The following TIPIN variants were observed in gnomAD, a reference collection of about 807,000 sequenced individuals.
TIPIN encodes the protein TIMELESS-interacting protein.
TIPIN carries 29 observed loss-of-function variants against 35.6 expected under a neutral mutation model. The observed-to-expected ratio is 0.82, with a 90% CI of 0.61 to 1.11. The LOEUF is 1.11. Among genes scored for constraint, TIPIN ranks in the 50% most tolerant of loss-of-function variants. The probability of loss-of-function intolerance (pLI) is 0.00; values close to 1 mark genes in which losing one functional copy is unlikely to be tolerated. For synonymous variants in TIPIN, 102 were observed against 121.5 expected, an observed-to-expected ratio of 0.84 and a Z score of 1.06; for missense variants, 296 against 345.4, an observed-to-expected ratio of 0.86 and a Z score of 1.13.
rs1225521444 is a variant in TIPIN, at chr15:66,336,267, AC to A, written c.*690del. 6.6e-6 allele frequency: 1 copy of A among 152,294 alleles called. No individual in the cohort carries two copies. Among genetic ancestry groups the A allele is most frequent in the African/African-American group, 2.4e-5 (1 of 41,454 alleles). 9.4% of individuals were successfully genotyped at this position (152,294 alleles called of 1,614,324 possible). On this transcript the variant is annotated 3_prime_UTR_variant, in exon 8 of 8. Transcript: ENST00000261881. The stretch of plus-strand genomic sequence containing the variant: ...GTATATATGTACATCTCAAAACTTC[AC>A]CCAGGCTGGGCGCGGTGGCTCACAC...
intron 1 of TIPIN, among the ~76,000 whole-genome samples, chr15:66,363,854 C>A (rs1242638853): frequency 1.2e-5 from 1 of 84,264 alleles, no homozygotes; most frequent in African/African-American, 4.5e-5. Context: ...TGGTGGCAGG[C>A]GCCTGTAGTC....
intron 1 of TIPIN, among the ~76,000 whole-genome samples, chr15:66,365,443 T>C (rs1201918278): frequency 6.6e-6 from 1 of 152,214 alleles, no homozygotes; most frequent in East Asian, 1.9e-4. Flanking sequence ...TGCCTGCCCC[T>C]TTCCCAGGAA....
chr15:66,360,138 C>T (rs947685049), upstream of TIPIN, among the ~76,000 whole-genome samples: 4 of 152,076 alleles, frequency 2.6e-5, no homozygotes, highest in Non-Finnish European at 5.9e-5. Context: ...ACTGTAGTAT[C>T]GCAGGTACTT....
chr15:66,346,515 C>A (rs1009143223), intron 6 of TIPIN, among the ~76,000 whole-genome samples: 1 of 152,104 alleles, frequency 6.6e-6, no homozygotes, highest in Non-Finnish European at 1.5e-5. Flanking sequence ...TCCCACCCTG[C>A]GACCTACTCA....
chr15:66,348,529 A>AT (rs2093143672), intron 6 of TIPIN, among the ~76,000 whole-genome samples: 1 of 150,794 alleles, frequency 6.6e-6, no homozygotes, highest in Admixed American at 6.6e-5. Context: ...AAAAAAAAAA[A>AT]ATACAAAAAT....
At chr15:66,379,126 C>CT in intron 1 of TIPIN, 1 of 572,580 alleles carries the variant, frequency 1.7e-6, no homozygotes, top group East Asian at 3.7e-5. Flanking sequence ...TGGCGTTAAG[C>CT]AATTGTCCCG....
At chr15:66,355,713 T>C (rs62011722) in intron 1 of TIPIN, among the ~76,000 whole-genome samples, 39,083 of 152,028 alleles carry the variant, frequency 0.26, 5,648 homozygotes, top group South Asian at 0.33. Context: ...ACCGCGCCAC[T>C]GCACTCCAGC....
At chr15:66,358,561 G>A (rs570783745), upstream of TIPIN, among the ~76,000 whole-genome samples, 9 of 151,680 alleles carry the variant, frequency 5.9e-5, no homozygotes, top group South Asian at 1.0e-3. Flanking sequence ...CTACAGGCTC[G>A]CACCACCACA....
chr15:66,339,874 A>T (rs866894381), intron 7 of TIPIN, among the ~76,000 whole-genome samples: 7 of 146,652 alleles, frequency 4.8e-5, no homozygotes, highest in African/African-American at 7.5e-5. Flanking sequence ...AAGAAAAAGC[A>T]TTTTTTTTTT....
At chr15:66,378,532 C>T (rs1279557807) in intron 1 of TIPIN, among the ~76,000 whole-genome samples, 1 of 152,100 alleles carries the variant, frequency 6.6e-6, no homozygotes, top group East Asian at 1.9e-4. Context: ...ACTTATATCT[C>T]TGTACAAGGT....
chr15:66,364,415 C>T lies in TIPIN; in HGVS notation c.-8-11460G>A, dbSNP rs1023539066. On this transcript the variant is annotated intron_variant, in intron 1 of 7. Transcript: ENST00000562124. Reference sequence around the variant, plus strand: ...TCCTGACCTCGTGATCTGCCCGCCTCGGCTTCCCAGTGTTCTGGCATTACA... The same window carrying T: ...TCCTGACCTCGTGATCTGCCCGCCTTGGCTTCCCAGTGTTCTGGCATTACA... Among the ~76,000 whole-genome samples, 3 of 151,912 alleles carry T rather than the reference C, an allele frequency of 2.0e-5. No individual in the cohort carries two copies. The East Asian group carries it at 5.8e-4, about 30-fold the overall frequency.
At chr15:66,371,369 T>C in intron 1 of TIPIN, 1 of 985,256 alleles carries the variant, frequency 1.0e-6, no homozygotes, top group Non-Finnish European at 1.2e-6. Context: ...GTAAGTGTTT[T>C]AATGTGAGAA....
chr15:66,374,508 C>T (rs556858366), intron 1 of TIPIN, among the ~76,000 whole-genome samples: 3 of 152,180 alleles, frequency 2.0e-5, no homozygotes, highest in Admixed American at 1.3e-4. Context: ...TTCCCAGGTT[C>T]AAGTGATTCT....
At chr15:66,368,610 C>A (rs945076570) in intron 1 of TIPIN, among the ~76,000 whole-genome samples, 8 of 151,974 alleles carry the variant, frequency 5.3e-5, no homozygotes, top group Non-Finnish European at 7.4e-5. Flanking sequence ...TGTTAGGCCC[C>A]AAATCCATAG....
At chr15:66,350,654 G>A (rs1221760206) in intron 4 of TIPIN, among the ~76,000 whole-genome samples, 1 of 150,800 alleles carries the variant, frequency 6.6e-6, no homozygotes, top group Admixed American at 6.6e-5. Context: ...ATAGTAGGCC[G>A]GGCAGTGGCT....
chr15:66,359,207 AAAGT>A (rs1023142394), upstream of TIPIN, among the ~76,000 whole-genome samples: 10 of 150,940 alleles, frequency 6.6e-5, no homozygotes, highest in East Asian at 1.9e-4. Flanking sequence ...ACAAAGATAG[AAAGT>A]AAATTACCAA....
intron 1 of TIPIN, among the ~76,000 whole-genome samples, chr15:66,364,565 G>A (rs952856099): frequency 1.3e-5 from 2 of 152,104 alleles, no homozygotes; most frequent in African/African-American, 2.4e-5. Flanking sequence ...AGATTAATAA[G>A]AGAAAAGGAT....
intron 1 of TIPIN, chr15:66,379,969 G>A: frequency 2.6e-6 from 2 of 782,634 alleles, no homozygotes; most frequent in South Asian, 1.7e-5. Flanking sequence ...TAAAAAGTAG[G>A]GATACACCTT....
intron 7 of TIPIN, among the ~76,000 whole-genome samples, chr15:66,337,915 C>T (rs932222802): frequency 6.6e-6 from 1 of 150,932 alleles, no homozygotes; most frequent in Non-Finnish European, 1.5e-5. Context: ...TGTTATTCAA[C>T]TCACACTCTT....
Sources: gnomAD v4.1 joint callset for allele counts (sites outside exome capture counted in the v4.1 genomes callset) on GRCh38, gnomAD v4.1.1 for gene constraint, MANE v1.5 for transcripts, NCBI Gene and HGNC (gene_info 2026-07-23, HGNC 2026-07-21) for gene names.